CDKAL1: variants seen among roughly 807,000 people sequenced by gnomAD.
CDKAL1 encodes CDKAL1 threonylcarbamoyladenosine tRNA methylthiotransferase.
A neutral mutation model predicts 68.2 loss-of-function variants in CDKAL1; 32 were observed. That is an observed-to-expected ratio of 0.47 (90% CI 0.35 to 0.63). The LOEUF (loss-of-function observed/expected upper bound fraction) is 0.63. Ranked by LOEUF, CDKAL1 falls within the 30% of genes least tolerant of loss-of-function variation. The pLI, the probability that CDKAL1 is intolerant of heterozygous loss-of-function variation, is 0.00. For synonymous variants in CDKAL1, 234 were observed against 244.3 expected (o/e 0.96, Z 0.39); for missense variants, 606 against 696.7 (o/e 0.87, Z 1.47).
rs1764732511 is a variant in CDKAL1 at position 20,955,452 on chromosome 6, A to G, written c.776A>G (p.Asp259Gly). 6.2e-7 allele frequency: 1 copy of G among 1,614,176 alleles called. No homozygotes were observed. Among genetic ancestry groups the G allele is most frequent in the Non-Finnish European group, 8.5e-7 (1 of 1,180,020 alleles). Residue 259 changes from aspartate to glycine, a missense_variant, in exon 10 of 16, where the codon GAC (aspartate) becomes GGC (glycine). Physicochemically the swap from Asp to Gly is moderately conservative, Grantham distance 94. Transcript: ENST00000274695. ...TGTGAGATATGGTTGACCAGTGAAG[A>G]CACGGGGGCTTATGGCAGAGATATT... ...GVCEIWLTSE[D>G]TGAYGRDIGT...
chr6:21,140,523 C>T (rs1000218948), intron 13 of CDKAL1, among the ~76,000 whole-genome samples: 3 of 152,132 alleles, frequency 2.0e-5, no homozygotes, highest in Non-Finnish European at 4.4e-5. Flanking sequence ...ACTTTCTGAC[C>T]AAATTATCCA....
chr6:20,995,588 G>A (rs1767058915), intron 10 of CDKAL1, among the ~76,000 whole-genome samples: 1 of 152,126 alleles, frequency 6.6e-6, no homozygotes, highest in Admixed American at 6.5e-5. Context: ...TTCCTGAGCA[G>A]TAGGTCTCGA....
chr6:21,062,546 T>A (rs1771199466), intron 11 of CDKAL1, among the ~76,000 whole-genome samples: 1 of 152,238 alleles, frequency 6.6e-6, no homozygotes, highest in Non-Finnish European at 1.5e-5. Context: ...TTTCTTCAAA[T>A]GTACTGTTTT....
chr6:21,032,138 C>T (rs1026730299), intron 11 of CDKAL1, among the ~76,000 whole-genome samples: 1 of 152,170 alleles, frequency 6.6e-6, no homozygotes, highest in African/African-American at 2.4e-5. Context: ...TGACTCACCC[C>T]CTCCTGGCCC....
intron 5 of CDKAL1, among the ~76,000 whole-genome samples, chr6:20,680,694 G>A (rs1054801962): frequency 6.6e-6 from 1 of 152,208 alleles, no homozygotes. Context: ...TCTTGAAAGT[G>A]CTTCATTCTG....
intron 7 of CDKAL1, among the ~76,000 whole-genome samples, chr6:20,777,252 G>A (rs1363330054): frequency 1.3e-5 from 2 of 152,196 alleles, no homozygotes. Context: ...TGGATTCCAA[G>A]GAGCAGTGAA....
intron 9 of CDKAL1, among the ~76,000 whole-genome samples, chr6:20,897,869 CATT>C (rs1353114100): frequency 2.6e-5 from 4 of 151,682 alleles, no homozygotes; most frequent in African/African-American, 7.3e-5. Context: ...ACATTTATTT[CATT>C]ATTAATTAGA....
chr6:20,873,852 G>C (rs993587165), intron 9 of CDKAL1, among the ~76,000 whole-genome samples: 1 of 152,200 alleles, frequency 6.6e-6, no homozygotes, highest in Admixed American at 6.5e-5. Flanking sequence ...AGAGGTCCTA[G>C]TGAGTGATTG....
intron 11 of CDKAL1, among the ~76,000 whole-genome samples, chr6:21,007,632 A>T (rs1402667934): frequency 6.6e-6 from 1 of 152,136 alleles, no homozygotes; most frequent in Non-Finnish European, 1.5e-5. Flanking sequence ...ATGTGTCCAG[A>T]CTAGTAATAA....
chr6:20,763,532 G>T (rs1407868042), intron 7 of CDKAL1, among the ~76,000 whole-genome samples: 1 of 152,172 alleles, frequency 6.6e-6, no homozygotes, highest in Non-Finnish European at 1.5e-5. Context: ...AGGGCCAGAT[G>T]GAATACCGCC....
chr6:20,748,534 G>T (rs11752936), intron 6 of CDKAL1, among the ~76,000 whole-genome samples: 1 of 111,516 alleles, frequency 9.0e-6, no homozygotes, highest in Non-Finnish European at 1.7e-5. Flanking sequence ...GCTTGGGAAA[G>T]AGAGCAAGAC....
At chr6:20,622,961 CTACTT>C (rs1767262857) in intron 4 of CDKAL1, among the ~76,000 whole-genome samples, 1 of 151,958 alleles carries the variant, frequency 6.6e-6, no homozygotes, top group South Asian at 2.1e-4. Context: ...AAAAGGGAAA[CTACTT>C]TTCTTTGTCA....
chr6:20,947,478 C>T (rs149509333), intron 9 of CDKAL1, among the ~76,000 whole-genome samples: 1 of 152,064 alleles, frequency 6.6e-6, no homozygotes, highest in East Asian at 1.9e-4. Context: ...GTAGTTCCAG[C>T]TACCTGGGAG....
intron 13 of CDKAL1, among the ~76,000 whole-genome samples, chr6:21,117,957 A>T (rs1052184726): frequency 5.3e-5 from 8 of 152,186 alleles, no homozygotes; most frequent in Non-Finnish European, 8.8e-5. Flanking sequence ...AAGAAGAAAA[A>T]GTTTTAATTT....
intron 13 of CDKAL1, among the ~76,000 whole-genome samples, chr6:21,181,209 A>G (rs1373671010): frequency 3.3e-5 from 5 of 152,248 alleles, no homozygotes; most frequent in Non-Finnish European, 5.9e-5. Context: ...GCCTAAGCTT[A>G]TGACCGAATC....
At position 21,231,717 on chromosome 6, in the gene CDKAL1, C is replaced by T. The variant is rs1395711168; in HGVS notation, c.*678C>T. Reference sequence around the variant, plus strand: ...GTGCTAGGATTACAGGCGTGAGCCACTGCGCCCGGCCTCTTTAATAAATAT... The same window carrying T: ...GTGCTAGGATTACAGGCGTGAGCCATTGCGCCCGGCCTCTTTAATAAATAT... On this transcript the variant is annotated 3_prime_UTR_variant, in exon 16 of 16. Coordinates refer to ENST00000274695, the MANE Select transcript of CDKAL1 (RefSeq NM_017774.3). 1 of 152,290 alleles carries T rather than the reference C, an allele frequency of 6.6e-6. No homozygotes were observed. The highest frequency in any genetic ancestry group is 1.5e-5 in the Non-Finnish European group (1 of 68,108). The allele number at this position is 152,290 out of a possible 1,614,324, so 9.4% of individuals were successfully genotyped here.
At chr6:20,769,556 T>C (rs944131519) in intron 7 of CDKAL1, among the ~76,000 whole-genome samples, 3 of 152,084 alleles carry the variant, frequency 2.0e-5, no homozygotes, top group African/African-American at 7.2e-5. Flanking sequence ...CACACCGGCC[T>C]TGATCATCAT....
At chr6:21,014,612 T>TAA (rs34834774) in intron 11 of CDKAL1, among the ~76,000 whole-genome samples, 20,464 of 126,556 alleles carry the variant, frequency 0.16, 1,744 homozygotes, top group South Asian at 0.34. Flanking sequence ...CTCCGTCTCA[T>TAA]AAAAAAAAAA....
chr6:20,753,842 T>A (rs1279934621), intron 6 of CDKAL1, among the ~76,000 whole-genome samples: 2 of 152,210 alleles, frequency 1.3e-5, no homozygotes, highest in Admixed American at 1.3e-4. Flanking sequence ...ATTTAATCAT[T>A]TGAGGAACAG....
Sources: gnomAD v4.1 joint callset for allele counts (sites outside exome capture counted in the v4.1 genomes callset) on GRCh38, gnomAD v4.1.1 for gene constraint, MANE v1.5 for transcripts, NCBI Gene and HGNC (gene_info 2026-07-23, HGNC 2026-07-21) for gene names.